Variants in VPS13A observed in about 807,000 individuals in gnomAD.
The protein encoded by VPS13A is vacuolar protein sorting 13 homolog A, also known as intermembrane lipid transfer protein VPS13A.
In VPS13A, 264 loss-of-function variants were observed where a neutral mutation model predicts 390.9. The ratio of observed to expected loss-of-function variants is 0.68; its 90% confidence interval spans 0.61 to 0.75. The LOEUF (loss-of-function observed/expected upper bound fraction) is 0.75, where lower values mean the gene tolerates loss of function less well. Ranked by LOEUF, VPS13A falls within the 30% of genes least tolerant of loss-of-function variation. The pLI is 0.00. For missense variants in VPS13A, 3,409 were observed against 3,733.9 expected, an observed-to-expected ratio of 0.91 and a Z score of 2.27; for synonymous variants, 1,231 against 1,227.1, an observed-to-expected ratio of 1.00 and a Z score of -0.07.
At chr9:77,225,802 T>C (rs934666426) in intron 13 of VPS13A, 124 bp from the exon 14 acceptor site, 7 of 708,500 alleles carry the variant, frequency 9.9e-6, no homozygotes, top group Non-Finnish European at 1.7e-5. Context: ...TATTGATGAA[T>C]GTTCTGTTGT....
In VPS13A at chr9:77,292,464, C is replaced by T. The variant is rs758191479; in HGVS notation, c.3340-877C>T. ...AGAAAGTTATGATATCATAGTTTATCGGGTTTTTTTTCCTTTTCTTAAGGT... is the reference window on the plus strand; with the variant it reads ...AGAAAGTTATGATATCATAGTTTATTGGGTTTTTTTTCCTTTTCTTAAGGT... On this transcript the variant is annotated intron_variant, in intron 31 of 71. Coordinates refer to ENST00000360280, the MANE Select transcript of VPS13A (RefSeq NM_033305.3). 2.8e-4 allele frequency among the ~76,000 whole-genome samples: 42 copies of T among 152,006 alleles called. 1 individual carries two copies. The highest frequency in any genetic ancestry group is 4.6e-4 in the Non-Finnish European group (31 of 68,008).
chr9:77,211,019 TCA>T (rs1590004196), intron 7 of VPS13A, among the ~76,000 whole-genome samples: 2 of 152,302 alleles, frequency 1.3e-5, no homozygotes, highest in East Asian at 3.9e-4. Context: ...ACAAAAATCT[TCA>T]GTTTTTCTCA....
At chr9:77,334,995 C>G (rs1830466801) in intron 46 of VPS13A, among the ~76,000 whole-genome samples, 2 of 152,084 alleles carry the variant, frequency 1.3e-5, no homozygotes, top group Non-Finnish European at 2.9e-5. Context: ...GTTCAGTGTT[C>G]AGTCTAGCAA....
chr9:77,201,817 T>G (rs1825347611), intron 3 of VPS13A, among the ~76,000 whole-genome samples: 1 of 152,204 alleles, frequency 6.6e-6, no homozygotes, highest in African/African-American at 2.4e-5. Flanking sequence ...ATTTCTGCTC[T>G]GCAAGTTTTT....
At chr9:77,297,915 A>G (rs1157658975) in intron 33 of VPS13A, among the ~76,000 whole-genome samples, 9 of 152,192 alleles carry the variant, frequency 5.9e-5, no homozygotes, top group African/African-American at 1.4e-4. Flanking sequence ...AGTAATTCAC[A>G]TAAGAATTAT....
In VPS13A at chr9:77,340,402, A is replaced by G; in HGVS notation, c.6880-2A>G. On this transcript the variant is annotated splice_acceptor_variant, in intron 49 of 71. Transcript: ENST00000360280. LOFTEE classifies it high-confidence loss of function. ...TTTGAGCTGTTAATTTTTTTTTCTTAGGTTGGTGTCACTATAGACCTGAGC... is the reference window on the plus strand; with the variant it reads ...TTTGAGCTGTTAATTTTTTTTTCTTGGGTTGGTGTCACTATAGACCTGAGC... The G allele has an allele frequency of 6.2e-7, 1 of 1,612,092 alleles. No homozygotes were observed. The highest frequency in any genetic ancestry group is 8.5e-7 in the Non-Finnish European group (1 of 1,179,196).
At position 77,238,112 on chromosome 9, in the gene VPS13A, T is replaced by A. The variant is rs1160555170; in HGVS notation, c.1706T>A (p.Phe569Tyr). 2 of 1,613,820 alleles carry A rather than the reference T, an allele frequency of 1.2e-6. No individual in the cohort carries two copies. Among genetic ancestry groups the A allele is most frequent in the East Asian group, 2.2e-5 (1 of 44,828 alleles). ...GCAATGTCACTTTTCCAAATTACAT[T>A]TGAGATAAATCCATTAGATGAAACT... The part of the protein sequence containing the change: ...DDAMSLFQIT[F>Y]EINPLDETVS... Residue 569 changes from phenylalanine (F) to tyrosine (Y), a missense_variant, in exon 18 of 72, where the codon TTT (phenylalanine) becomes TAT (tyrosine). This residue lies in a region of VPS13A where 2,717 missense variants were observed against 2,917.4 expected (regional missense o/e 0.93). Transcript: ENST00000360280.
intron 71 of VPS13A, among the ~76,000 whole-genome samples, chr9:77,413,558 A>G (rs1835037629): frequency 6.6e-6 from 1 of 152,182 alleles, no homozygotes; most frequent in Admixed American, 6.5e-5. Context: ...CTGAAACTGG[A>G]TCCCTTCCTT....
chr9:77,366,772 GA>G lies in VPS13A; in HGVS notation c.8372del (p.Asp2791ValfsTer8). The G allele has an allele frequency of 1.2e-6, 2 of 1,613,250 alleles. No homozygotes were observed. Among genetic ancestry groups the G allele is most frequent in the Non-Finnish European group, 1.7e-6 (2 of 1,179,488 alleles). On this transcript the variant is annotated frameshift_variant, in exon 61 of 72. Coordinates refer to ENST00000360280, the MANE Select transcript of VPS13A (RefSeq NM_033305.3). LOFTEE classifies it high-confidence loss of function. Reference sequence around the variant, plus strand: ...GAGTTCCGGCAGAGAAGAAGCTAAAGATTCAAAACAAAATGGAGGACTGATT... The same window carrying G: ...GAGTTCCGGCAGAGAAGAAGCTAAAGTTCAAAACAAAATGGAGGACTGATT... ...SLSSGREEAK[D>X]SKQNGGLIPV...
intron 17 of VPS13A, among the ~76,000 whole-genome samples, chr9:77,230,644 C>A (rs1444970602): frequency 6.6e-6 from 1 of 152,024 alleles, no homozygotes; most frequent in East Asian, 1.9e-4. Flanking sequence ...TATAGTAGAA[C>A]TTGTAATCAG....
At chr9:77,374,909 A>G (rs1422182673) in intron 67 of VPS13A, among the ~76,000 whole-genome samples, 2 of 152,058 alleles carry the variant, frequency 1.3e-5, no homozygotes, top group African/African-American at 4.8e-5. Flanking sequence ...TCTGCTCTAT[A>G]GGGATATGTA....
chr9:77,220,193 A>C (rs1823114281), intron 11 of VPS13A, 84 bp from the exon 12 acceptor site: 1 of 1,511,930 alleles, frequency 6.6e-7, no homozygotes, highest in South Asian at 1.2e-5. Context: ...CATTTCCCTA[A>C]AAAGTCAGTA....
At position 77,238,325 on chromosome 9, in the gene VPS13A, A is replaced by G. The variant is rs1824272571; in HGVS notation, c.1839A>G (p.Leu613=). The change falls in exon 19 of 72, where the codon CTA becomes CTG. Residue 613 remains leucine (L), a synonymous_variant. Transcript: ENST00000360280. ...TCAGACCTCCAAAAGAGGTACATCT[A>G]GCACAGCTCACTGCAGCAACTTTGA... ...EFFRPPKEVH[L]AQLTAATLTK... The G allele has an allele frequency of 6.2e-7, 1 of 1,613,954 alleles. No individual in the cohort carries two copies. The highest frequency in any genetic ancestry group is 1.3e-5 in the African/African-American group (1 of 74,938).
chr9:77,260,886 A>G (rs1446528138), intron 23 of VPS13A, among the ~76,000 whole-genome samples: 2 of 151,770 alleles, frequency 1.3e-5, no homozygotes, highest in African/African-American at 4.8e-5. Context: ...GTGTGTGTAT[A>G]CATACATGTA....
chr9:77,350,652 G>A (rs865988917), intron 52 of VPS13A, among the ~76,000 whole-genome samples: 1 of 151,792 alleles, frequency 6.6e-6, no homozygotes, highest in African/African-American at 2.4e-5. Flanking sequence ...TTATTTTCTT[G>A]CGAGTGACTA....
Position 77,407,591 on chromosome 9 carries a change from C to A in VPS13A, c.9458C>A (p.Thr3153Asn). ...REFGKIINFK[T>N]PEDARWILTK... ...TTTGGAAAAATAATTAACTTCAAGA[C>A]CCCAGAGGATGCCAGGGTAAATATA... The change falls in exon 71 of 72, where the codon ACC becomes AAC. Residue 3153 changes from threonine (T) to asparagine (N), a missense_variant. This residue lies in a region of VPS13A where 318 missense variants were observed against 333.7 expected (regional missense o/e 0.95). Coordinates refer to ENST00000360280, the MANE Select transcript of VPS13A (RefSeq NM_033305.3). 1 of 1,611,942 alleles carries A rather than the reference C, an allele frequency of 6.2e-7. No homozygotes were observed. Among genetic ancestry groups the A allele is most frequent in the Admixed American group, 1.7e-5 (1 of 60,014 alleles).
At chr9:77,254,172 T>A (rs1481339559) in intron 22 of VPS13A, among the ~76,000 whole-genome samples, 1 of 152,128 alleles carries the variant, frequency 6.6e-6, no homozygotes, top group Non-Finnish European at 1.5e-5. Flanking sequence ...CTTGATCTCC[T>A]GACCTCGTGA....
In VPS13A at chr9:77,340,165, A is replaced by C. The variant is rs747538384; in HGVS notation, c.6775-13A>C. 2.4e-5 allele frequency: 38 copies of C among 1,608,474 alleles called. No homozygotes were observed. The highest frequency in any genetic ancestry group is 3.1e-5 in the Non-Finnish European group (37 of 1,175,796). On this transcript the variant is annotated splice_polypyrimidine_tract_variant and intron_variant, in intron 48 of 71. Transcript: ENST00000360280. ...ACCTAAATTGTGATGTATTTGGAAT[A>C]TTTTTTTCCTAGGTTCAACTTATGG...
chr9:77,413,030 A>G (rs1835009868), intron 71 of VPS13A, among the ~76,000 whole-genome samples: 1 of 152,224 alleles, frequency 6.6e-6, no homozygotes, highest in South Asian at 2.1e-4. Context: ...TAGGAATCCA[A>G]CTTACAAGGG....
Sources: allele counts gnomAD v4.1 joint callset (sites outside exome capture counted in the v4.1 genomes callset), GRCh38; gene constraint gnomAD v4.1.1; regional missense constraint gnomAD v4.1.1; transcripts MANE v1.5; gene names NCBI Gene and HGNC (gene_info 2026-07-23, HGNC 2026-07-21).